The following CRIM1 variants were observed in gnomAD, a reference collection of about 807,000 sequenced individuals.
CRIM1 encodes cysteine rich transmembrane BMP regulator 1.
In CRIM1, 32 loss-of-function variants were observed where a neutral mutation model predicts 116.4. The ratio of observed to expected loss-of-function variants is 0.27; its 90% CI spans 0.21 to 0.37. The LOEUF is 0.37. Among genes scored for constraint, CRIM1 ranks in the 10% least tolerant of loss-of-function variants. The probability of loss-of-function intolerance (pLI) is 1.00; values close to 1 mark genes in which losing one functional copy is unlikely to be tolerated. For missense variants in CRIM1, 1,331 were observed against 1,354.8 expected, an observed-to-expected ratio of 0.98 and a Z score of 0.28; for synonymous variants, 590 against 509.2, an observed-to-expected ratio of 1.16 and a Z score of -2.13.
At chr2:36,395,966 C>T (rs1438446155) in intron 1 of CRIM1, among the ~76,000 whole-genome samples, 2 of 152,166 alleles carry the variant, frequency 1.3e-5, no homozygotes, top group East Asian at 1.9e-4. Flanking sequence ...CACCCTGTTT[C>T]CCAGACCGGA....
chr2:36,539,860 G>A (rs994222349), intron 14 of CRIM1, among the ~76,000 whole-genome samples: 6 of 152,152 alleles, frequency 3.9e-5, no homozygotes, highest in African/African-American at 1.4e-4. Flanking sequence ...TGGGCTTCAG[G>A]AAAGAAACTG....
chr2:36,467,178 C>A (rs570100522), intron 5 of CRIM1, among the ~76,000 whole-genome samples: 1 of 152,208 alleles, frequency 6.6e-6, no homozygotes, highest in Non-Finnish European at 1.5e-5. Flanking sequence ...CTGGTCGTTG[C>A]TTCTTTCTTG....
intron 2 of CRIM1, among the ~76,000 whole-genome samples, chr2:36,406,582 G>A (rs1429302373): frequency 6.7e-6 from 1 of 149,974 alleles, no homozygotes; most frequent in East Asian, 2.0e-4. Flanking sequence ...TTTTAAACTT[G>A]ATAAGTCTTA....
intron 7 of CRIM1, among the ~76,000 whole-genome samples, chr2:36,493,556 A>G (rs1266425161): frequency 1.3e-5 from 2 of 152,214 alleles, no homozygotes; most frequent in Non-Finnish European, 2.9e-5. Context: ...CCACAGTTGT[A>G]CATTTACAGA....
chr2:36,499,625 A>C (rs1680847786), intron 8 of CRIM1, among the ~76,000 whole-genome samples: 1 of 152,096 alleles, frequency 6.6e-6, no homozygotes, highest in South Asian at 2.1e-4. Flanking sequence ...AGCCACCCAG[A>C]ACGCTCTCCC....
At chr2:36,364,321 A>G (rs1669446094) in intron 1 of CRIM1, among the ~76,000 whole-genome samples, 1 of 152,258 alleles carries the variant, frequency 6.6e-6, no homozygotes, top group Non-Finnish European at 1.5e-5. Context: ...ATATTAAAAG[A>G]CCTGATAAAT....
At chr2:36,462,737 C>T (rs1469543102) in intron 4 of CRIM1, among the ~76,000 whole-genome samples, 3 of 152,274 alleles carry the variant, frequency 2.0e-5, no homozygotes, top group Admixed American at 2.0e-4. Flanking sequence ...AGTATTCTAG[C>T]CCCATTTATC....
At chr2:36,495,475 A>ATTT (rs1024205619) in intron 7 of CRIM1, among the ~76,000 whole-genome samples, 6 of 129,640 alleles carry the variant, frequency 4.6e-5, no homozygotes, top group Non-Finnish European at 8.3e-5. Flanking sequence ...TTATTTATTT[A>ATTT]TTTTTTTTTT....
At position 36,380,695 on chromosome 2, in the gene CRIM1, C is replaced by G. The variant is rs560971769; in HGVS notation, c.332-15919C>G. ...GGAGGTTGAAGTTTTGTTTGCCCTC[C>G]GAATGAAAGTGGTATTTCTGTTCGT... On this transcript the variant is annotated intron_variant, in intron 1 of 16. Coordinates refer to ENST00000280527, the MANE Select transcript of CRIM1 (RefSeq NM_016441.3). Among the ~76,000 whole-genome samples, 20 of 152,266 alleles carry G rather than the reference C, an allele frequency of 1.3e-4. No individual in the cohort carries two copies. The South Asian group carries it at 4.1e-3, about 32-fold the overall frequency.
At chr2:36,397,200 A>G (rs1293048683) in intron 2 of CRIM1, among the ~76,000 whole-genome samples, 1 of 152,090 alleles carries the variant, frequency 6.6e-6, no homozygotes, top group Non-Finnish European at 1.5e-5. Context: ...GAAATGGGAG[A>G]ATTATGCAGT....
intron 1 of CRIM1, among the ~76,000 whole-genome samples, chr2:36,358,825 AAGT>A (rs1199361637): frequency 1.3e-5 from 2 of 152,188 alleles, no homozygotes; most frequent in African/African-American, 4.8e-5. Context: ...TGTGAAACCA[AAGT>A]AAGGACAGTG....
chr2:36,514,902 A>G (rs1664938394), intron 11 of CRIM1, among the ~76,000 whole-genome samples: 1 of 152,208 alleles, frequency 6.6e-6, no homozygotes, highest in Non-Finnish European at 1.5e-5. Flanking sequence ...ACCTTGTAGA[A>G]AACGAGATTA....
intron 7 of CRIM1, among the ~76,000 whole-genome samples, chr2:36,488,191 A>G (rs1679974587): frequency 6.6e-6 from 1 of 152,202 alleles, no homozygotes; most frequent in African/African-American, 2.4e-5. Context: ...TGTTGTATCT[A>G]TCTGATTATT....
At chr2:36,513,022 T>A (rs1340374015) in intron 10 of CRIM1, among the ~76,000 whole-genome samples, 1 of 152,236 alleles carries the variant, frequency 6.6e-6, no homozygotes, top group Non-Finnish European at 1.5e-5. Flanking sequence ...GTCAGCATGA[T>A]GCACAGATTA....
chr2:36,533,375 G>T (rs182861517), intron 13 of CRIM1, among the ~76,000 whole-genome samples: 1 of 148,504 alleles, frequency 6.7e-6, no homozygotes, highest in African/African-American at 2.5e-5. Flanking sequence ...GCTAGCTTGA[G>T]GCCAGGAGTT....
At chr2:36,523,938 T>G (rs929707279) in intron 13 of CRIM1, among the ~76,000 whole-genome samples, 4 of 152,200 alleles carry the variant, frequency 2.6e-5, no homozygotes, top group Non-Finnish European at 5.9e-5. Context: ...TCTTAGGAAT[T>G]TTACACAGAT....
At position 36,547,110 on chromosome 2, in the gene CRIM1, T is replaced by C; in HGVS notation, c.2873T>C (p.Leu958Pro). 1 of 1,612,984 alleles carries C rather than the reference T, an allele frequency of 6.2e-7. No individual in the cohort carries two copies. The highest frequency in any genetic ancestry group is 8.5e-7 in the Non-Finnish European group (1 of 1,179,088). Residue 958 changes from leucine (L) to proline (P), a missense_variant, in exon 16 of 17, where the codon CTA becomes CCA. Physicochemically the swap from Leu to Pro is moderately conservative, Grantham distance 98 (BLOSUM62 -3). This residue lies in a region of CRIM1 where 283 missense variants were observed against 242.8 expected (regional missense o/e 1.17). Coordinates refer to ENST00000280527, the MANE Select transcript of CRIM1 (RefSeq NM_016441.3). ...IICLSIIIAF[L>P]FINQKKQWIP... ...TGCCTCTCTATTATAATAGCATTCC[T>C]ATTCATCAATCAGAAGAAACAGTGG...
At chr2:36,489,060 T>TA (rs1439549683) in intron 7 of CRIM1, among the ~76,000 whole-genome samples, 3 of 152,212 alleles carry the variant, frequency 2.0e-5, no homozygotes, top group Admixed American at 2.0e-4. Flanking sequence ...TTCCTTACTT[T>TA]AAAAAAGTAT....
At chr2:36,523,757 A>T (rs904999802) in intron 13 of CRIM1, among the ~76,000 whole-genome samples, 1 of 152,190 alleles carries the variant, frequency 6.6e-6, no homozygotes, top group Non-Finnish European at 1.5e-5. Context: ...AATAAAGGAG[A>T]TCTGGCTACA....
Sources: gnomAD v4.1 joint callset for allele counts (sites outside exome capture counted in the v4.1 genomes callset) on GRCh38, gnomAD v4.1.1 for gene constraint, gnomAD v4.1.1 regional missense constraint, MANE v1.5 for transcripts, NCBI Gene and HGNC (gene_info 2026-07-23, HGNC 2026-07-21) for gene names.